MROH9: variants seen among roughly 807,000 people sequenced by gnomAD.
MROH9 encodes maestro heat like repeat family member 9, also known as maestro heat-like repeat-containing protein family member 9.
MROH9 carries 92 observed loss-of-function variants against 98.2 expected under a neutral mutation model. The ratio of observed to expected loss-of-function variants is 0.94; its 90% CI spans 0.79 to 1.11. The LOEUF is 1.11. Ranked by LOEUF, MROH9 falls within the 50% of genes most tolerant of loss-of-function variation. The probability of loss-of-function intolerance (pLI) is 0.00; values close to 1 mark genes in which losing one functional copy is unlikely to be tolerated. For missense variants in MROH9, 1,057 were observed against 1,014.8 expected, an observed-to-expected ratio of 1.04 and a Z score of -0.57; for synonymous variants, 397 against 368.9, an observed-to-expected ratio of 1.08 and a Z score of -0.87.
At chr1:171,041,939 G>T (rs1303255737) in intron 20 of MROH9, among the ~76,000 whole-genome samples, 3 of 151,980 alleles carry the variant, frequency 2.0e-5, no homozygotes, top group Non-Finnish European at 4.4e-5. Flanking sequence ...AAATAAGCAT[G>T]TCATGGAAAA....
At position 171,055,268 on chromosome 1, in the gene MROH9, C is replaced by A. The variant is rs557033419; in HGVS notation, c.2282-6864C>A. ...GTGAAGTAACTCAAGAATGGAAAACCAAACTTCCTGTGTTCTCACTTATAA... is the reference window on the plus strand; with the variant it reads ...GTGAAGTAACTCAAGAATGGAAAACAAAACTTCCTGTGTTCTCACTTATAA... On this transcript the variant is annotated intron_variant, in intron 20 of 21. Coordinates refer to ENST00000367759, the MANE Select transcript of MROH9 (RefSeq NM_001163629.2). 3.4e-3 allele frequency among the ~76,000 whole-genome samples: 513 copies of A among 152,164 alleles called. 5 individuals carry two copies. Among genetic ancestry groups the A allele is most frequent in the Non-Finnish European group, 5.0e-3 (340 of 67,996 alleles).
At chr1:171,002,692 C>T (rs1375613184) in intron 15 of MROH9, among the ~76,000 whole-genome samples, 1 of 152,110 alleles carries the variant, frequency 6.6e-6, no homozygotes, top group Admixed American at 6.5e-5. Context: ...AGATTCTTTC[C>T]TTCATCTTAA....
chr1:171,007,627 T>C lies in MROH9; in HGVS notation c.1597-6490T>C, dbSNP rs577501103. On this transcript the variant is annotated intron_variant, in intron 15 of 21. Coordinates refer to ENST00000367759, the MANE Select transcript of MROH9 (RefSeq NM_001163629.2). Reference sequence around the variant, plus strand: ...TACAGGACCTTTCCGGGATCTGCTGTGGGACCAAAGTTAGCAGTCCAGCCT... The same window carrying C: ...TACAGGACCTTTCCGGGATCTGCTGCGGGACCAAAGTTAGCAGTCCAGCCT... Among the ~76,000 whole-genome samples the C allele has an allele frequency of 5.0e-4, 76 of 152,312 alleles. 1 individual carries two copies. Among genetic ancestry groups the C allele is most frequent in the African/African-American group, 1.8e-3 (75 of 41,568 alleles).
At chr1:171,025,248 C>G (rs952506315) in intron 19 of MROH9, 70 bp from the exon 20 acceptor site, 5 of 937,414 alleles carry the variant, frequency 5.3e-6, no homozygotes, top group South Asian at 4.4e-5. Flanking sequence ...TATGTTGAAG[C>G]CTTTCTGGAG....
intron 20 of MROH9, among the ~76,000 whole-genome samples, chr1:171,059,774 T>C (rs945164176): frequency 6.6e-6 from 1 of 151,796 alleles, no homozygotes; most frequent in Non-Finnish European, 1.5e-5. Context: ...CAAACTAACA[T>C]GGGAACAGAA....
chr1:170,983,460 A>G lies in MROH9; in HGVS notation c.655A>G (p.Ser219Gly). 1 of 1,613,254 alleles carries G rather than the reference A, an allele frequency of 6.2e-7. No individual in the cohort carries two copies. The highest frequency in any genetic ancestry group is 8.5e-7 in the Non-Finnish European group (1 of 1,179,476). The change falls in exon 9 of 22, where the codon AGC becomes GGC. Residue 219 changes from serine (S) to glycine (G), a missense_variant. By Grantham distance (56) the Ser-to-Gly change is moderately conservative (BLOSUM62 0). Transcript: ENST00000367759. Reference protein sequence around the residue: ...TNKPTNGKSHSLQFPSSDVEF... With the variant: ...TNKPTNGKSHGLQFPSSDVEF... The stretch of plus-strand genomic sequence containing the variant: ...TAAGCCTACAAACGGTAAAAGTCAT[A>G]GCCTCCAGTTTCCTTCTTCTGATGT...
intron 1 of MROH9, among the ~76,000 whole-genome samples, chr1:170,943,128 A>G (rs1296580570): frequency 6.6e-6 from 1 of 152,114 alleles, no homozygotes; most frequent in African/African-American, 2.4e-5. Context: ...AAAGTAGAAA[A>G]TTAAAAAAAT....
rs1654109804 is a variant in MROH9 at position 171,064,522 on chromosome 1, A to G, written c.*182A>G. 1 of 557,978 alleles carries G rather than the reference A, an allele frequency of 1.8e-6. No individual in the cohort carries two copies. 34.6% of individuals were successfully genotyped at this position (557,978 alleles called of 1,614,324 possible). ...ACTTCTTAATTCTCTATTCAAATAT[A>G]GAAATCTGAGAGAACTAGTGCCTCT... On this transcript the variant is annotated 3_prime_UTR_variant, in exon 22 of 22. Coordinates refer to ENST00000367759, the MANE Select transcript of MROH9 (RefSeq NM_001163629.2).
chr1:171,020,941 T>C (rs1403957024), intron 17 of MROH9, among the ~76,000 whole-genome samples: 1 of 151,948 alleles, frequency 6.6e-6, no homozygotes, highest in African/African-American at 2.4e-5. Flanking sequence ...TGTGCAAAAA[T>C]CACAAACATT....
intron 2 of MROH9, 117 bp downstream of exon 2, chr1:170,945,698 A>G (rs2101870444): frequency 1.1e-6 from 1 of 883,130 alleles, no homozygotes; most frequent in Non-Finnish European, 1.6e-6. Flanking sequence ...GATAACAAAG[A>G]ATGTACCTTT....
intron 20 of MROH9, among the ~76,000 whole-genome samples, chr1:171,045,278 G>A (rs1037773432): frequency 6.6e-6 from 1 of 151,730 alleles, no homozygotes; most frequent in South Asian, 2.1e-4. Context: ...GGGATTACAG[G>A]CATGCGCCAC....
At chr1:171,037,525 A>T (rs1453035163) in intron 20 of MROH9, among the ~76,000 whole-genome samples, 1 of 152,162 alleles carries the variant, frequency 6.6e-6, no homozygotes, top group Admixed American at 6.5e-5. Context: ...TAAAAGTGTC[A>T]ATTTTTTTTT....
rs536829384 is a variant in MROH9 at position 171,044,947 on chromosome 1, C to CAATTCCATTT, written c.2282-17183_2282-17174dup. On this transcript the variant is annotated intron_variant, in intron 20 of 21. Transcript: ENST00000367759. The stretch of plus-strand genomic sequence containing the variant: ...ATCATTTGTATTGTTGTTTTCAGTT[C>CAATTCCATTT]AATTCCATTTATTTCTGCTCTGATC... 9.5e-4 allele frequency among the ~76,000 whole-genome samples: 94 copies of CAATTCCATTT among 99,460 alleles called. 1 individual carries two copies. Among genetic ancestry groups the CAATTCCATTT allele is most frequent in the African/African-American group, 3.1e-3 (88 of 28,614 alleles). The allele number at this position is 99,460 out of a possible 152,430, so 65.2% of individuals were successfully genotyped here. A position where few individuals can be genotyped will look rare whatever the true frequency, so the allele number is the denominator to read the frequency against.
At chr1:170,981,841 A>G (rs1650943258) in intron 8 of MROH9, among the ~76,000 whole-genome samples, 1 of 152,174 alleles carries the variant, frequency 6.6e-6, no homozygotes, top group East Asian at 1.9e-4. Flanking sequence ...AGCAAATCAA[A>G]TAATGTTCTA....
At chr1:170,965,396 G>T (rs1242991531) in intron 7 of MROH9, 141 bp downstream of exon 7, 4 of 560,948 alleles carry the variant, frequency 7.1e-6, no homozygotes, top group African/African-American at 5.7e-5. Context: ...TATCAGAAAA[G>T]GAGTCAATAT....
At chr1:170,947,701 A>T (rs1216393876) in intron 3 of MROH9, 128 bp downstream of exon 3, 8 of 794,966 alleles carry the variant, frequency 1.0e-5, no homozygotes, top group Non-Finnish European at 1.6e-5. Flanking sequence ...GAAAGGGGAA[A>T]AAAAGGCAAT....
intron 20 of MROH9, among the ~76,000 whole-genome samples, chr1:171,045,256 T>C (rs910112187): frequency 6.6e-6 from 1 of 152,038 alleles, no homozygotes; most frequent in Non-Finnish European, 1.5e-5. Flanking sequence ...CGCCTCGGCC[T>C]CCCAAAGTGC....
intron 17 of MROH9, among the ~76,000 whole-genome samples, chr1:171,022,663 C>G (rs1406100255): frequency 6.6e-6 from 1 of 151,894 alleles, no homozygotes; most frequent in Non-Finnish European, 1.5e-5. Context: ...GGCTTAAAAC[C>G]TAGATGATGG....
At chr1:170,940,227 T>A (rs1443560397) in intron 1 of MROH9, among the ~76,000 whole-genome samples, 1 of 152,238 alleles carries the variant, frequency 6.6e-6, no homozygotes, top group Non-Finnish European at 1.5e-5. Context: ...TGCTCCACAC[T>A]ACTGGACCCC....
Sources: allele counts gnomAD v4.1 joint callset (sites outside exome capture counted in the v4.1 genomes callset), GRCh38; gene constraint gnomAD v4.1.1; transcripts MANE v1.5; gene names NCBI Gene and HGNC (gene_info 2026-07-23, HGNC 2026-07-21).